The following ROR1 variants were observed in gnomAD, a reference collection of about 807,000 sequenced individuals.
ROR1 encodes the protein inactive tyrosine-protein kinase transmembrane receptor ROR1.
A neutral mutation model predicts 78.8 loss-of-function variants in ROR1; 19 were observed. The observed-to-expected ratio is 0.24, with a 90% CI of 0.17 to 0.35. The LOEUF is 0.35. Among genes scored for constraint, ROR1 ranks in the 10% least tolerant of loss-of-function variants. The pLI, the probability that ROR1 is intolerant of heterozygous loss-of-function variation, is 1.00. For missense variants in ROR1, 917 were observed against 1,177.8 expected (o/e 0.78, Z 3.24); for synonymous variants, 386 against 433.6 (o/e 0.89, Z 1.36).
intron 4 of ROR1, among the ~76,000 whole-genome samples, chr1:64,102,086 G>A (rs955846878): frequency 5.3e-5 from 8 of 152,110 alleles, no homozygotes; most frequent in African/African-American, 1.7e-4. Flanking sequence ...CTCTCAAGAG[G>A]TGCAAATAGG....
intron 1 of ROR1, among the ~76,000 whole-genome samples, chr1:63,930,065 A>G (rs189320087): frequency 7.9e-5 from 12 of 152,252 alleles, no homozygotes; most frequent in Admixed American, 2.0e-4. Flanking sequence ...TGCTGCACCC[A>G]TGAACCCGTC....
intron 1 of ROR1, among the ~76,000 whole-genome samples, chr1:63,983,376 G>A (rs1057093341): frequency 6.6e-6 from 1 of 152,168 alleles, no homozygotes; most frequent in African/African-American, 2.4e-5. Flanking sequence ...AGAATGGGGA[G>A]GACTGTCTAG....
chr1:64,016,424 C>A (rs1314840217), intron 2 of ROR1, among the ~76,000 whole-genome samples: 1 of 152,044 alleles, frequency 6.6e-6, no homozygotes. Context: ...TAGTAAAATA[C>A]ATTAAAATTA....
In ROR1 at chr1:64,143,351, T is replaced by G. The variant is rs184051519; in HGVS notation, c.1174+701T>G. ...GCCCAGGCAACATAGTGAGACTCCA[T>G]CTCTACCAAAAAAAAGAAAAAAAAA... On this transcript the variant is annotated intron_variant, in intron 7 of 8. Transcript: ENST00000371079. 4 of 942,502 alleles carry G rather than the reference T, an allele frequency of 4.2e-6. No homozygotes were observed. The South Asian group carries it at 1.5e-4, about 35-fold the overall frequency. 58.4% of individuals were successfully genotyped at this position (942,502 alleles called of 1,614,324 possible). A position where few individuals can be genotyped will look rare whatever the true frequency, so the allele number is the denominator to read the frequency against.
At chr1:63,930,561 T>C (rs1300233457) in intron 1 of ROR1, among the ~76,000 whole-genome samples, 3 of 152,204 alleles carry the variant, frequency 2.0e-5, no homozygotes, top group African/African-American at 7.2e-5. Flanking sequence ...GTAGACTTAC[T>C]GGGTGGGACA....
At position 64,180,513 on chromosome 1, in the gene ROR1, A is replaced by C. The variant is rs368214470; in HGVS notation, c.*1658A>C. The C allele has an allele frequency of 1.3e-5, 2 of 152,244 alleles. No individual in the cohort carries two copies. Among genetic ancestry groups the C allele is most frequent in the Admixed American group, 6.5e-5 (1 of 15,284 alleles). 9.4% of individuals were successfully genotyped at this position (152,244 alleles called of 1,614,324 possible). The stretch of plus-strand genomic sequence containing the variant: ...CAATTTTCCCAAACCTGAGTCTTCA[A>C]ATAACAAACATGAACTTATAGGTAC... On this transcript the variant is annotated 3_prime_UTR_variant, in exon 9 of 9. Coordinates refer to ENST00000371079, the MANE Select transcript of ROR1 (RefSeq NM_005012.4).
intron 1 of ROR1, among the ~76,000 whole-genome samples, chr1:63,899,291 A>G (rs1051423781): frequency 6.6e-6 from 1 of 152,192 alleles, no homozygotes; most frequent in African/African-American, 2.4e-5. Context: ...CCATGAGTAT[A>G]CTGTGCCCAG....
intron 1 of ROR1, among the ~76,000 whole-genome samples, chr1:63,923,222 C>G (rs928631856): frequency 6.6e-6 from 1 of 152,172 alleles, no homozygotes; most frequent in Admixed American, 6.6e-5. Flanking sequence ...GGGTTCCCCC[C>G]CAAAACTTTC....
chr1:64,010,747 C>A (rs1646468970), intron 2 of ROR1, among the ~76,000 whole-genome samples: 1 of 152,066 alleles, frequency 6.6e-6, no homozygotes, highest in Admixed American at 6.6e-5. Context: ...AGGGTGGTTT[C>A]CCCCATCCTG....
intron 1 of ROR1, among the ~76,000 whole-genome samples, chr1:63,989,564 C>T (rs1174066414): frequency 6.6e-6 from 1 of 152,178 alleles, no homozygotes; most frequent in Admixed American, 6.5e-5. Context: ...TCATTCCTGA[C>T]TCTGCTCTTT....
At chr1:64,162,621 GAGA>G (rs5774687) in intron 8 of ROR1, among the ~76,000 whole-genome samples, 74,841 of 151,864 alleles carry the variant, frequency 0.49, 20,050 homozygotes, top group Non-Finnish European at 0.6. Flanking sequence ...AGCTGTTCAG[GAGA>G]AGAAGTAGAC....
chr1:63,855,898 C>A (rs1645145512), intron 1 of ROR1, among the ~76,000 whole-genome samples: 1 of 151,906 alleles, frequency 6.6e-6, no homozygotes, highest in Admixed American at 6.6e-5. Flanking sequence ...ACCTCGTGAC[C>A]CGCCCACCTC....
intron 1 of ROR1, among the ~76,000 whole-genome samples, chr1:63,905,291 G>A (rs1645519663): frequency 6.6e-6 from 1 of 152,108 alleles, no homozygotes; most frequent in African/African-American, 2.4e-5. Context: ...TTGATTTTAA[G>A]TGCATACTCA....
At chr1:63,924,768 C>A (rs1159523598) in intron 1 of ROR1, among the ~76,000 whole-genome samples, 1 of 152,022 alleles carries the variant, frequency 6.6e-6, no homozygotes, top group Non-Finnish European at 1.5e-5. Flanking sequence ...CACAGGAGGG[C>A]CTGGGAGCAT....
chr1:64,078,836 G>A (rs1647074531), intron 4 of ROR1, among the ~76,000 whole-genome samples: 1 of 152,146 alleles, frequency 6.6e-6, no homozygotes, highest in African/African-American at 2.4e-5. Context: ...AGAGTGAGAG[G>A]TGACAGAGTA....
intron 1 of ROR1, among the ~76,000 whole-genome samples, chr1:63,821,047 T>G (rs902560554): frequency 6.6e-6 from 1 of 152,176 alleles, no homozygotes; most frequent in Admixed American, 6.6e-5. Context: ...AGGGAAAGAT[T>G]TTTTGTGTTC....
chr1:63,919,150 C>T (rs940082011), intron 1 of ROR1, among the ~76,000 whole-genome samples: 1 of 152,016 alleles, frequency 6.6e-6, no homozygotes, highest in Non-Finnish European at 1.5e-5. Flanking sequence ...TCTCTTCAAG[C>T]ATTTTAAAAA....
At chr1:64,002,551 A>T (rs960936904) in intron 1 of ROR1, among the ~76,000 whole-genome samples, 2 of 152,218 alleles carry the variant, frequency 1.3e-5, no homozygotes, top group Non-Finnish European at 2.9e-5. Context: ...TTTTAAAGTA[A>T]TATAGTTTTC....
chr1:63,827,337 C>T (rs1294835866), intron 1 of ROR1, among the ~76,000 whole-genome samples: 3 of 152,044 alleles, frequency 2.0e-5, no homozygotes, highest in Admixed American at 1.3e-4. Context: ...GCTTTTGGTG[C>T]CTTTGTCATG....
Sources: gnomAD v4.1 joint callset for allele counts (sites outside exome capture counted in the v4.1 genomes callset) on GRCh38, gnomAD v4.1.1 for gene constraint, MANE v1.5 for transcripts, NCBI Gene and HGNC (gene_info 2026-07-23, HGNC 2026-07-21) for gene names.